PRKN: variants seen among roughly 807,000 people sequenced by gnomAD.
The protein encoded by PRKN is parkin RBR E3 ubiquitin protein ligase, also known as E3 ubiquitin-protein ligase parkin.
In PRKN, 56 loss-of-function variants were observed where a neutral mutation model predicts 59.5. The ratio of observed to expected loss-of-function variants is 0.94; its 90% CI spans 0.76 to 1.18. PRKN has a LOEUF of 1.18. PRKN is among the 50% of genes most tolerant of loss of function. PRKN has a pLI of 0.00. For synonymous variants in PRKN, 250 were observed against 222.1 expected (o/e 1.13, Z -1.12); for missense variants, 657 against 596.4 (o/e 1.10, Z -1.06).
Position 162,414,726 on chromosome 6 carries a change from A to AAGT in PRKN, c.171+28581_171+28583dup, listed in dbSNP as rs1554318258. On this transcript the variant is annotated intron_variant, in intron 2 of 11. Transcript: ENST00000366898. ...ACTCCGTCTCAAAAAAAAAAAAAAAAAGTGAATCTTTGAAGTTTTAAAATA... is the reference window on the plus strand; with the variant it reads ...ACTCCGTCTCAAAAAAAAAAAAAAAAAGTAGTGAATCTTTGAAGTTTTAAAATA... Among the ~76,000 whole-genome samples the AAGT allele has an allele frequency of 5.1e-3, 467 of 91,874 alleles. 86 individuals carry two copies. The highest frequency in any genetic ancestry group is 0.017 in the African/African-American group (380 of 22,072). 60.3% of individuals were successfully genotyped at this position (91,874 alleles called of 152,430 possible). A position where few individuals can be genotyped will look rare whatever the true frequency, so the allele number is the denominator to read the frequency against.
chr6:161,953,945 A>G (rs536203328), intron 6 of PRKN, among the ~76,000 whole-genome samples: 39 of 152,256 alleles, frequency 2.6e-4, no homozygotes, highest in African/African-American at 8.2e-4. Context: ...CTTATTGACT[A>G]TGTGACATTG....
intron 3 of PRKN, among the ~76,000 whole-genome samples, chr6:162,229,687 C>G (rs1778337612): frequency 6.6e-6 from 1 of 151,920 alleles, no homozygotes; most frequent in African/African-American, 2.4e-5. Flanking sequence ...TTGGCACTTG[C>G]CATTCCCTCT....
chr6:161,569,232 T>C (rs1780774591), intron 8 of PRKN, 123 bp downstream of exon 8: 1 of 815,340 alleles, frequency 1.2e-6, no homozygotes, highest in Non-Finnish European at 2.1e-6. Context: ...AGCATGGTTT[T>C]CTTCCCCATT....
At chr6:161,381,279 C>A (rs973558600) in intron 10 of PRKN, among the ~76,000 whole-genome samples, 1 of 152,140 alleles carries the variant, frequency 6.6e-6, no homozygotes, top group Non-Finnish European at 1.5e-5. Context: ...CGCATTTCTG[C>A]TTCACTGGGA....
intron 5 of PRKN, among the ~76,000 whole-genome samples, chr6:161,977,533 GTTTTTTTGGTTTT>G (rs1277596543): frequency 4.1e-4 from 33 of 80,710 alleles, no homozygotes; most frequent in Middle Eastern, 0.018. Flanking sequence ...TCTACTTTCT[GTTTTTTTGGTTTT>G]TTTTTTTTTT....
chr6:161,957,009 C>CT (rs1428677389), intron 6 of PRKN, among the ~76,000 whole-genome samples: 4 of 152,178 alleles, frequency 2.6e-5, no homozygotes, highest in Non-Finnish European at 1.5e-5. Context: ...TCATGGGAAC[C>CT]TCCGAGTCTT....
rs969660005 is a variant in PRKN at position 161,988,032 on chromosome 6, G to A, written c.619-14615C>T. Among the ~76,000 whole-genome samples the A allele has an allele frequency of 5.3e-5, 8 of 152,252 alleles. No homozygotes were observed. The South Asian group carries it at 6.2e-4, about 12-fold the overall frequency. ...TATCATTATAGAACAATTCTCAGGCGATGGCATCTATGGGCACAGTTTGTG... is the reference window on the plus strand; with the variant it reads ...TATCATTATAGAACAATTCTCAGGCAATGGCATCTATGGGCACAGTTTGTG... On this transcript the variant is annotated intron_variant, in intron 5 of 11. Transcript: ENST00000366898.
rs1322633107 is a variant in PRKN, at chr6:161,461,592, G to A, written c.1084-74715C>T. On this transcript the variant is annotated intron_variant, in intron 9 of 11. Coordinates refer to ENST00000366898, the MANE Select transcript of PRKN (RefSeq NM_004562.3). This position sits in a 1 kb window ranked among gnomAD's most constrained non-coding sequence, Gnocchi z 5.1. ...ATCACTGGCCTTCTGGAATCAATCAGTTATCAGTCAGCCACTGGAGATAAA... is the reference window on the plus strand; with the variant it reads ...ATCACTGGCCTTCTGGAATCAATCAATTATCAGTCAGCCACTGGAGATAAA... 6.6e-6 allele frequency among the ~76,000 whole-genome samples: 1 copy of A among 152,092 alleles called. No individual in the cohort carries two copies. The highest frequency in any genetic ancestry group is 6.6e-5 in the Admixed American group (1 of 15,260).
intron 7 of PRKN, among the ~76,000 whole-genome samples, chr6:161,652,188 A>G (rs1784173673): frequency 6.6e-6 from 1 of 152,250 alleles, no homozygotes; most frequent in Admixed American, 6.5e-5. Context: ...CAGGGGCAGC[A>G]TTAGCCATGA....
rs1554251152 is a variant in PRKN at position 161,352,771 on chromosome 6, A to ATTTTTT, written c.1286-2561_1286-2560insAAAAAA. ...TGTGTGTGTGTATATATATATATAT[A>ATTTTTT]TTTTATTTTATTTTATTTTATTTTT... On this transcript the variant is annotated intron_variant, in intron 11 of 11. Coordinates refer to ENST00000366898, the MANE Select transcript of PRKN (RefSeq NM_004562.3). The surrounding 1 kb of genome is among the most constrained non-coding windows in gnomAD (Gnocchi z 5.8). Among the ~76,000 whole-genome samples, 150 of 116,894 alleles carry ATTTTTT rather than the reference A, an allele frequency of 1.3e-3. No individual in the cohort carries two copies. The highest frequency in any genetic ancestry group is 4.2e-3 in the African/African-American group (146 of 34,478). 76.7% of individuals were successfully genotyped at this position (116,894 alleles called of 152,430 possible). A position where few individuals can be genotyped will look rare whatever the true frequency, so the allele number is the denominator to read the frequency against.
intron 6 of PRKN, among the ~76,000 whole-genome samples, chr6:161,846,412 A>T (rs1793199278): frequency 6.6e-6 from 1 of 152,206 alleles, no homozygotes; most frequent in Non-Finnish European, 1.5e-5. Flanking sequence ...AAAGATAATT[A>T]TTATGCTCTT....
At chr6:162,251,443 C>T (rs1349656686) in intron 3 of PRKN, among the ~76,000 whole-genome samples, 2 of 152,070 alleles carry the variant, frequency 1.3e-5, no homozygotes, top group Admixed American at 6.6e-5. Context: ...GAAGTCACTC[C>T]GGGGCCCACT....
chr6:161,862,848 T>G (rs1793961722), intron 6 of PRKN, among the ~76,000 whole-genome samples: 1 of 152,188 alleles, frequency 6.6e-6, no homozygotes, highest in South Asian at 2.1e-4. Flanking sequence ...GTAAAAGCTA[T>G]TTCCTGTTTG....
At chr6:162,516,234 G>T (rs1777849133) in intron 1 of PRKN, among the ~76,000 whole-genome samples, 1 of 152,144 alleles carries the variant, frequency 6.6e-6, no homozygotes, top group Admixed American at 6.5e-5. Context: ...TCTGCCATCT[G>T]GCCAGGTGTC....
At chr6:162,536,131 G>A (rs942721804) in intron 1 of PRKN, among the ~76,000 whole-genome samples, 7 of 152,066 alleles carry the variant, frequency 4.6e-5, no homozygotes, top group African/African-American at 1.2e-4. Flanking sequence ...CCAAAGAGCC[G>A]TGGTTCTCCT....
intron 2 of PRKN, among the ~76,000 whole-genome samples, chr6:162,393,251 C>T (rs1211473780): frequency 6.7e-6 from 1 of 149,598 alleles, no homozygotes; most frequent in Non-Finnish European, 1.5e-5. Flanking sequence ...CCTCCACCTC[C>T]AGGGTTCAAA....
intron 9 of PRKN, among the ~76,000 whole-genome samples, chr6:161,436,832 CCTCT>C (rs957734919): frequency 9.2e-5 from 14 of 151,906 alleles, no homozygotes; most frequent in Non-Finnish European, 1.9e-4. Context: ...ATTGGCCTTT[CCTCT>C]CTCTCTATGT....
chr6:162,302,177 G>A (rs1461066990), intron 2 of PRKN, among the ~76,000 whole-genome samples: 1 of 152,052 alleles, frequency 6.6e-6, no homozygotes, highest in African/African-American at 2.4e-5. Flanking sequence ...TACCACTTGA[G>A]TAAAGGCCTT....
intron 7 of PRKN, among the ~76,000 whole-genome samples, chr6:161,697,093 A>ACTTT (rs1185859453): frequency 2.0e-5 from 3 of 152,194 alleles, no homozygotes; most frequent in African/African-American, 4.8e-5. Context: ...AGGATCCTGC[A>ACTTT]CTTTCTGTCT....
Sources: allele counts gnomAD v4.1 joint callset (sites outside exome capture counted in the v4.1 genomes callset), GRCh38; gene constraint gnomAD v4.1.1; non-coding constraint Gnocchi (gnomAD v3.1); transcripts MANE v1.5; gene names NCBI Gene and HGNC (gene_info 2026-07-23, HGNC 2026-07-21).